CACNA2D3: variants seen among roughly 807,000 people sequenced by gnomAD.
The protein encoded by CACNA2D3 is calcium voltage-gated channel auxiliary subunit alpha2delta 3.
A neutral mutation model predicts 160.6 loss-of-function variants in CACNA2D3; 60 were observed. That is an observed-to-expected ratio of 0.37 (90% confidence interval 0.30 to 0.46). CACNA2D3 has a LOEUF of 0.46. Among genes scored for constraint, CACNA2D3 ranks in the 20% least tolerant of loss-of-function variants. CACNA2D3 has a pLI of 1.00. For synonymous variants in CACNA2D3, 558 were observed against 492.9 expected (o/e 1.13, Z -1.75); for missense variants, 1,205 against 1,365.0 (o/e 0.88, Z 1.85).
At chr3:54,905,533 C>G (rs1700432737) in intron 27 of CACNA2D3, among the ~76,000 whole-genome samples, 2 of 152,182 alleles carry the variant, frequency 1.3e-5, no homozygotes, top group Admixed American at 6.5e-5. Context: ...GGATAAACCT[C>G]TAGTTTTTAA....
chr3:54,618,400 C>CAA, intron 9 of CACNA2D3, among the ~76,000 whole-genome samples: 1 of 149,846 alleles, frequency 6.7e-6, no homozygotes, highest in Non-Finnish European at 1.5e-5. Flanking sequence ...CACACACACA[C>CAA]ACACACACAC....
rs143358911 is a variant in CACNA2D3 at position 54,612,406 on chromosome 3, G to A, written c.964-15381G>A. 7.9e-5 allele frequency among the ~76,000 whole-genome samples: 12 copies of A among 152,176 alleles called. No individual in the cohort carries two copies. The East Asian group carries it at 2.1e-3, about 27-fold the overall frequency. ...TACCTGGAATCAGAAGCAGCCCAAGGACCGTGAGCAACAGAGAAAAAGGCC... is the reference window on the plus strand; with the variant it reads ...TACCTGGAATCAGAAGCAGCCCAAGAACCGTGAGCAACAGAGAAAAAGGCC... On this transcript the variant is annotated intron_variant, in intron 9 of 37. Transcript: ENST00000474759.
chr3:55,022,789 T>C (rs1163586780), intron 35 of CACNA2D3, among the ~76,000 whole-genome samples: 1 of 151,798 alleles, frequency 6.6e-6, no homozygotes, highest in Non-Finnish European at 1.5e-5. Context: ...GATGTTTCAA[T>C]TGGTGAGGAT....
chr3:54,125,555 G>T (rs1369423823), intron 2 of CACNA2D3, among the ~76,000 whole-genome samples: 3 of 152,162 alleles, frequency 2.0e-5, no homozygotes, highest in Non-Finnish European at 4.4e-5. Context: ...GTCCACCCTA[G>T]TCCTTGGTTT....
chr3:54,318,084 G>C (rs1703907512), intron 2 of CACNA2D3, among the ~76,000 whole-genome samples: 1 of 152,116 alleles, frequency 6.6e-6, no homozygotes, highest in African/African-American at 2.4e-5. Context: ...CATCTTCCTT[G>C]CATTGTAAAA....
At chr3:55,062,142 C>G (rs1433570336) in intron 35 of CACNA2D3, among the ~76,000 whole-genome samples, 1 of 152,100 alleles carries the variant, frequency 6.6e-6, no homozygotes, top group East Asian at 1.9e-4. Context: ...TTTTTTGAGA[C>G]AGTGTCTTGG....
At position 55,018,204 on chromosome 3, in the gene CACNA2D3, A is replaced by G; in HGVS notation, c.2876-2A>G. ...CCTTTTTTTTTCCCACTATCCCTACAGCCCAGAAATTGAAACAGACCCTGG... is the reference window on the plus strand; with the variant it reads ...CCTTTTTTTTTCCCACTATCCCTACGGCCCAGAAATTGAAACAGACCCTGG... On this transcript the variant is annotated splice_acceptor_variant, in intron 34 of 37. Transcript: ENST00000474759. LOFTEE classifies it high-confidence loss of function. 6.2e-7 allele frequency: 1 copy of G among 1,601,804 alleles called. No homozygotes were observed. The highest frequency in any genetic ancestry group is 8.5e-7 in the Non-Finnish European group (1 of 1,169,610).
At chr3:54,329,495 C>G (rs903106875) in intron 3 of CACNA2D3, among the ~76,000 whole-genome samples, 3 of 152,198 alleles carry the variant, frequency 2.0e-5, no homozygotes, top group African/African-American at 7.2e-5. Context: ...TTCCAGAATC[C>G]TCCACTGTCG....
At chr3:54,855,212 G>A (rs1346702828) in intron 17 of CACNA2D3, among the ~76,000 whole-genome samples, 2 of 152,128 alleles carry the variant, frequency 1.3e-5, no homozygotes, top group Admixed American at 1.3e-4. Flanking sequence ...GAGAGGGGAG[G>A]GGAGTCAGGC....
At chr3:54,574,687 C>A (rs1367159058) in intron 8 of CACNA2D3, among the ~76,000 whole-genome samples, 1 of 152,180 alleles carries the variant, frequency 6.6e-6, no homozygotes, top group East Asian at 1.9e-4. Flanking sequence ...TCAAGCCATG[C>A]ATTAAATTAA....
chr3:54,296,308 C>T (rs983579379), intron 2 of CACNA2D3, among the ~76,000 whole-genome samples: 3 of 152,170 alleles, frequency 2.0e-5, no homozygotes, highest in Non-Finnish European at 2.9e-5. Flanking sequence ...CTCCCTTCTC[C>T]TCCTTTTCTC....
chr3:54,841,840 C>T (rs1208114741), intron 16 of CACNA2D3, among the ~76,000 whole-genome samples: 1 of 152,192 alleles, frequency 6.6e-6, no homozygotes, highest in African/African-American at 2.4e-5. Context: ...AGGGAAGTGC[C>T]TCCTTTCCCC....
chr3:54,243,257 C>T (rs893846182), intron 2 of CACNA2D3, among the ~76,000 whole-genome samples: 5 of 152,192 alleles, frequency 3.3e-5, no homozygotes, highest in African/African-American at 9.7e-5. Context: ...CCCGCGATTG[C>T]GTGGGCTGTC....
chr3:54,913,642 A>C (rs1317796538), intron 27 of CACNA2D3, among the ~76,000 whole-genome samples: 1 of 152,042 alleles, frequency 6.6e-6, no homozygotes, highest in African/African-American at 2.4e-5. Flanking sequence ...GCAGTGTCCT[A>C]CTGGTTGGTG....
chr3:54,171,136 CTTTT>C lies in CACNA2D3; in HGVS notation c.204+47561_204+47564del, dbSNP rs57761171. On this transcript the variant is annotated intron_variant, in intron 2 of 37. Coordinates refer to ENST00000474759, the MANE Select transcript of CACNA2D3 (RefSeq NM_018398.3). ...TCTGTTTACATTTTAAAGATGATGA[CTTTT>C]TTTTTTTTTTTTTTTTTTAGGAATA... Among the ~76,000 whole-genome samples the C allele has an allele frequency of 3.2e-3, 201 of 62,558 alleles. 15 individuals carry two copies. In the East Asian group the frequency reaches 0.066, roughly 21 times the overall value. The allele number at this position is 62,558 out of a possible 152,430, so 41.0% of individuals were successfully genotyped here.
At chr3:54,908,795 G>A (rs1402226654) in intron 27 of CACNA2D3, among the ~76,000 whole-genome samples, 1 of 152,216 alleles carries the variant, frequency 6.6e-6, no homozygotes, top group Non-Finnish European at 1.5e-5. Flanking sequence ...TTGAAATGCA[G>A]CCATGCCCAT....
At chr3:54,593,187 T>C (rs1366839464) in intron 9 of CACNA2D3, among the ~76,000 whole-genome samples, 1 of 152,034 alleles carries the variant, frequency 6.6e-6, no homozygotes, top group Admixed American at 6.6e-5. Flanking sequence ...TAGAGAAAAA[T>C]TGAGAACAAC....
Position 54,447,209 on chromosome 3 carries a change from T to C in CACNA2D3, c.382-56283T>C, listed in dbSNP as rs537420068. Among the ~76,000 whole-genome samples the C allele has an allele frequency of 3.3e-5, 5 of 152,308 alleles. No homozygotes were observed. The South Asian group carries it at 1.0e-3, about 32-fold the overall frequency. ...GCAGGTTTTTGCTTTTCTTAAAAATTATCTATTTTAAGGAAAGAAAATCTG... is the reference window on the plus strand; with the variant it reads ...GCAGGTTTTTGCTTTTCTTAAAAATCATCTATTTTAAGGAAAGAAAATCTG... On this transcript the variant is annotated intron_variant, in intron 4 of 37. Transcript: ENST00000474759.
chr3:54,550,159 A>G (rs1024080389), intron 5 of CACNA2D3, among the ~76,000 whole-genome samples: 1 of 152,162 alleles, frequency 6.6e-6, no homozygotes, highest in Non-Finnish European at 1.5e-5. Flanking sequence ...CGGAATGGCT[A>G]AGAGTTTATT....
Sources: gnomAD v4.1 joint callset for allele counts (sites outside exome capture counted in the v4.1 genomes callset) on GRCh38, gnomAD v4.1.1 for gene constraint, MANE v1.5 for transcripts, NCBI Gene and HGNC (gene_info 2026-07-23, HGNC 2026-07-21) for gene names.